PDE1A: variants seen among roughly 807,000 people sequenced by gnomAD.
The protein encoded by PDE1A is phosphodiesterase 1A.
PDE1A carries 35 observed loss-of-function variants against 61.7 expected under a neutral mutation model. The ratio of observed to expected loss-of-function variants is 0.57; its 90% CI spans 0.43 to 0.75. PDE1A has a LOEUF of 0.75. Ranked by LOEUF, PDE1A falls within the 30% of genes least tolerant of loss-of-function variation. The probability of loss-of-function intolerance (pLI) is 0.00; values close to 1 mark genes in which losing one functional copy is unlikely to be tolerated. For synonymous variants in PDE1A, 232 were observed against 213.2 expected (o/e 1.09, Z -0.77); for missense variants, 597 against 630.6 (o/e 0.95, Z 0.57).
At position 182,490,131 on chromosome 2, in the gene PDE1A, G is replaced by A. The variant is rs184158303; in HGVS notation, c.101+32145C>T. On this transcript the variant is annotated intron_variant, in intron 2 of 14. Transcript: ENST00000410103. ...GCTAAATGTTGCTAATGGGCCAAGA[G>A]AGATAAAGATGGAGAAGCGAACATT... Among the ~76,000 whole-genome samples the A allele has an allele frequency of 7.5e-4, 114 of 152,332 alleles. 1 individual carries two copies. Among genetic ancestry groups the A allele is most frequent in the East Asian group, 1.2e-3 (6 of 5,182 alleles).
At chr2:182,411,799 G>A (rs558575365) in intron 1 of PDE1A, among the ~76,000 whole-genome samples, 4 of 152,016 alleles carry the variant, frequency 2.6e-5, no homozygotes, top group East Asian at 1.9e-4. Flanking sequence ...CCAACAACAC[G>A]CCTGTAATCC....
At chr2:182,293,899 C>T (rs1694702472) in intron 1 of PDE1A, among the ~76,000 whole-genome samples, 1 of 152,150 alleles carries the variant, frequency 6.6e-6, no homozygotes, top group African/African-American at 2.4e-5. Context: ...CTACTAATGA[C>T]CTTCTGACAA....
chr2:182,667,958 T>C, the PDE1A span, among the ~76,000 whole-genome samples: 1 of 152,102 alleles, frequency 6.6e-6, no homozygotes, highest in Admixed American at 6.5e-5. Flanking sequence ...TAGAGTCTGC[T>C]AAGGGAAAGG....
At chr2:182,685,616 G>C in the PDE1A span, among the ~76,000 whole-genome samples, 1 of 152,154 alleles carries the variant, frequency 6.6e-6, no homozygotes, top group African/African-American at 2.4e-5. Flanking sequence ...TCAAAAGTTA[G>C]GACCATGGGA....
At chr2:182,554,693 GC>G in the PDE1A span, among the ~76,000 whole-genome samples, 3 of 152,030 alleles carry the variant, frequency 2.0e-5, no homozygotes, top group African/African-American at 7.2e-5. Flanking sequence ...TGCATGCACA[GC>G]CTTCAAACAT....
At chr2:182,321,145 C>T (rs552736042) in intron 1 of PDE1A, among the ~76,000 whole-genome samples, 1 of 152,254 alleles carries the variant, frequency 6.6e-6, no homozygotes, top group East Asian at 1.9e-4. Flanking sequence ...TTGCATGTTG[C>T]ATGAGATGTA....
chr2:182,363,247 T>C (rs1699617031), intron 1 of PDE1A, among the ~76,000 whole-genome samples: 1 of 152,006 alleles, frequency 6.6e-6, no homozygotes, highest in Non-Finnish European at 1.5e-5. Flanking sequence ...GAAAATGTGG[T>C]TGTTAACATT....
At chr2:182,231,194 C>A in intron 4 of PDE1A, 63 bp from the exon 5 acceptor site, 1 of 859,612 alleles carries the variant, frequency 1.2e-6, no homozygotes, top group South Asian at 1.5e-5. Context: ...AGAATTTATT[C>A]AAAAGATAAG....
the PDE1A span, among the ~76,000 whole-genome samples, chr2:182,571,640 C>T: frequency 6.6e-6 from 1 of 151,990 alleles, no homozygotes; most frequent in South Asian, 2.1e-4. Context: ...AGGATGCTAA[C>T]TACTAAATTA....
intron 7 of PDE1A, among the ~76,000 whole-genome samples, chr2:182,211,567 T>G (rs1687603761): frequency 1.3e-5 from 2 of 152,328 alleles, no homozygotes; most frequent in African/African-American, 4.8e-5. Flanking sequence ...TTGCTGGTAT[T>G]TTCATTGGGA....
At chr2:182,361,636 G>A (rs1042933695) in intron 1 of PDE1A, among the ~76,000 whole-genome samples, 2 of 151,902 alleles carry the variant, frequency 1.3e-5, no homozygotes, top group Admixed American at 6.6e-5. Context: ...CATTTTATGA[G>A]GAAATTGATA....
Position 182,158,034 on chromosome 2 carries a change from G to A in PDE1A, c.1517-10882C>T, listed in dbSNP as rs564542334. On this transcript the variant is annotated intron_variant, in intron 13 of 13. Transcript: ENST00000409365. ...TCCACGTTATTTCTTTCTCTGCTATGTACATGTCAATACCTAACTTTGGCT... is the reference window on the plus strand; with the variant it reads ...TCCACGTTATTTCTTTCTCTGCTATATACATGTCAATACCTAACTTTGGCT... Among the ~76,000 whole-genome samples, 24 of 152,284 alleles carry A rather than the reference G, an allele frequency of 1.6e-4. No homozygotes were observed. In the East Asian group the frequency reaches 4.6e-3, roughly 29 times the overall value.
the PDE1A span, among the ~76,000 whole-genome samples, chr2:182,558,269 T>C: frequency 6.6e-6 from 1 of 151,900 alleles, no homozygotes; most frequent in Non-Finnish European, 1.5e-5. Flanking sequence ...CAAAAGAGTC[T>C]ACAAATATTT....
intron 2 of PDE1A, among the ~76,000 whole-genome samples, chr2:182,257,491 T>C (rs1210595557): frequency 6.6e-6 from 1 of 152,178 alleles, no homozygotes; most frequent in Non-Finnish European, 1.5e-5. Context: ...CCTTTGGCAT[T>C]TAGAAGACTG....
At chr2:182,595,699 C>A in the PDE1A span, among the ~76,000 whole-genome samples, 4 of 152,182 alleles carry the variant, frequency 2.6e-5, no homozygotes, top group Non-Finnish European at 5.9e-5. Context: ...GGACTCACTT[C>A]AAGCACCAAA....
the PDE1A span, among the ~76,000 whole-genome samples, chr2:182,543,166 T>C: frequency 6.6e-6 from 1 of 152,302 alleles, no homozygotes; most frequent in South Asian, 2.1e-4. Context: ...ATATGAAATA[T>C]TGATAGTGTA....
At chr2:182,290,795 C>T (rs1694476585) in intron 1 of PDE1A, among the ~76,000 whole-genome samples, 1 of 151,966 alleles carries the variant, frequency 6.6e-6, no homozygotes, top group Non-Finnish European at 1.5e-5. Flanking sequence ...TCTACTGCCA[C>T]CTATCAGCAC....
At chr2:182,201,156 A>T (rs1432506844) in intron 10 of PDE1A, among the ~76,000 whole-genome samples, 1 of 152,182 alleles carries the variant, frequency 6.6e-6, no homozygotes, top group East Asian at 1.9e-4. Flanking sequence ...TGTGGCACTT[A>T]CGTCTTAACA....
chr2:182,219,746 G>A (rs906816560), intron 7 of PDE1A, among the ~76,000 whole-genome samples: 10 of 152,022 alleles, frequency 6.6e-5, no homozygotes, highest in African/African-American at 2.4e-4. Context: ...ATTTATGATA[G>A]AGTAGACAAG....
Sources: gnomAD v4.1 joint callset for allele counts (sites outside exome capture counted in the v4.1 genomes callset) on GRCh38, gnomAD v4.1.1 for gene constraint, MANE v1.5 for transcripts, NCBI Gene and HGNC (gene_info 2026-07-23, HGNC 2026-07-21) for gene names.